Variants in NAV2 observed in about 807,000 individuals in gnomAD.
The protein encoded by NAV2 is helicase, APC down-regulated 1.
NAV2 carries 54 observed loss-of-function variants against 223.2 expected under a neutral mutation model. The ratio of observed to expected loss-of-function variants is 0.24; its 90% CI spans 0.19 to 0.30. NAV2 has a LOEUF of 0.30. Ranked by LOEUF, NAV2 falls within the 10% of genes least tolerant of loss-of-function variation. NAV2 has a pLI of 1.00. For missense variants in NAV2, 2,806 were observed against 3,147.5 expected (o/e 0.89, Z 2.60); for synonymous variants, 1,279 against 1,239.3 (o/e 1.03, Z -0.67).
intron 1 of NAV2, among the ~76,000 whole-genome samples, chr11:19,643,104 T>C (rs10833145): frequency 0.8 from 120,995 of 152,124 alleles, 51,271 homozygotes; most frequent in Non-Finnish European, 0.94. Flanking sequence ...TTTTGAGGTG[T>C]TGATCCTATA....
At chr11:19,562,964 G>A (rs2045150911) in intron 1 of NAV2, among the ~76,000 whole-genome samples, 1 of 152,092 alleles carries the variant, frequency 6.6e-6, no homozygotes, top group Non-Finnish European at 1.5e-5. Flanking sequence ...CATGGAGTAG[G>A]CCCTGCCAAG....
chr11:19,453,211 G>C (rs1444932614), intron 1 of NAV2, among the ~76,000 whole-genome samples: 1 of 152,138 alleles, frequency 6.6e-6, no homozygotes, highest in Non-Finnish European at 1.5e-5. Flanking sequence ...GTGCCCTGTA[G>C]ATCCCCAGTG....
At chr11:20,112,111 G>GGA (rs2062686353) in intron 36 of NAV2, among the ~76,000 whole-genome samples, 1 of 152,156 alleles carries the variant, frequency 6.6e-6, no homozygotes, top group South Asian at 2.1e-4. Context: ...GACCTCAGAG[G>GGA]GAGAAACTTC....
At chr11:19,901,549 T>G (rs1175584092) in intron 6 of NAV2, among the ~76,000 whole-genome samples, 2 of 152,134 alleles carry the variant, frequency 1.3e-5, no homozygotes, top group East Asian at 1.9e-4. Flanking sequence ...AAGAGAACAC[T>G]CCCTTTTAAT....
chr11:19,456,447 A>G (rs2171349), intron 1 of NAV2, among the ~76,000 whole-genome samples: 85,566 of 152,060 alleles, frequency 0.56, 24,237 homozygotes, highest in East Asian at 0.65. Context: ...TGATGGGCCT[A>G]GAGAAAATGT....
intron 1 of NAV2, among the ~76,000 whole-genome samples, chr11:19,789,654 T>A (rs1477934765): frequency 6.6e-6 from 1 of 152,198 alleles, no homozygotes; most frequent in African/African-American, 2.4e-5. Context: ...CAGGTCTTGA[T>A]TAGAGGCAGA....
At position 19,936,836 on chromosome 11, in the gene NAV2, C is replaced by T. The variant is rs1467974216; in HGVS notation, c.2033+2559C>T. ...GTCACAGAACTAGACTAGAGGGGCT[C>T]ATGTTTAAAACCAGGTGTAGGCTGG... On this transcript the variant is annotated intron_variant, in intron 7 of 37. Coordinates refer to ENST00000349880, the MANE Select transcript of NAV2 (RefSeq NM_145117.5). Among the ~76,000 whole-genome samples the T allele has an allele frequency of 2.6e-5, 4 of 152,134 alleles. No homozygotes were observed. In the South Asian group the frequency reaches 6.2e-4, roughly 24 times the overall value.
chr11:20,086,849 G>T (rs1443033262), intron 26 of NAV2, among the ~76,000 whole-genome samples: 1 of 152,136 alleles, frequency 6.6e-6, no homozygotes, highest in African/African-American at 2.4e-5. Flanking sequence ...GGGCAGAGTG[G>T]GGAGTCGGAG....
At chr11:19,908,929 T>C (rs902122691) in intron 6 of NAV2, among the ~76,000 whole-genome samples, 1 of 152,134 alleles carries the variant, frequency 6.6e-6, no homozygotes, top group Admixed American at 6.6e-5. Flanking sequence ...TATTTTAAAA[T>C]TAGATTGTGG....
intron 1 of NAV2, among the ~76,000 whole-genome samples, chr11:19,398,295 C>T (rs552353185): frequency 1.3e-5 from 2 of 152,194 alleles, no homozygotes; most frequent in Admixed American, 6.5e-5. Flanking sequence ...TGTTGGAGAA[C>T]GTACTCACTA....
rs11025310 is a variant in NAV2 at position 19,880,086 on chromosome 11, G to A, written c.729G>A (p.Ala243=). Residue 243 remains alanine, a synonymous_variant, in exon 5 of 38, where the codon GCG becomes GCA. Coordinates refer to ENST00000349880, the MANE Select transcript of NAV2 (RefSeq NM_145117.5). ...CCCCGTGCCAGCCTCACCAGCCAGC[G>A]CCACATCAGCAGTCAAAAGCACAAG... ...PQAPCQPHQP[A]PHQQSKAQAE... is the part of the protein sequence containing the mutation. 0.43 allele frequency: 683,997 copies of A among 1,608,776 alleles called. 150,443 individuals carry two copies. The highest frequency in any genetic ancestry group is 0.45 in the Non-Finnish European group (532,358 of 1,176,528).
In NAV2 at chr11:20,039,008, C is replaced by G. The variant is rs565531404; in HGVS notation, c.2907+2911C>G. 1.3e-3 allele frequency among the ~76,000 whole-genome samples: 195 copies of G among 152,302 alleles called. 2 individuals are homozygous for G. Among genetic ancestry groups the G allele is most frequent in the African/African-American group, 4.5e-3 (186 of 41,568 alleles). ...TTGAGGAGCAACGGAGAATGCCCCC[C>G]ACAGAGCACAGGTGCCCAGCTGTCC... On this transcript the variant is annotated intron_variant, in intron 12 of 37. Transcript: ENST00000349880.
intron 11 of NAV2, among the ~76,000 whole-genome samples, chr11:20,007,331 G>A (rs1043344128): frequency 2.6e-5 from 4 of 152,174 alleles, no homozygotes; most frequent in Non-Finnish European, 4.4e-5. Context: ...TAAGTAAAAT[G>A]GTGGCACTGC....
chr11:20,087,045 A>G (rs1018787949), intron 26 of NAV2, among the ~76,000 whole-genome samples: 9 of 152,180 alleles, frequency 5.9e-5, no homozygotes, highest in Non-Finnish European at 8.8e-5. Flanking sequence ...CAAGAGGGCA[A>G]GAGGACTGAG....
At chr11:20,087,133 G>A (rs2060497323) in intron 26 of NAV2, among the ~76,000 whole-genome samples, 1 of 152,182 alleles carries the variant, frequency 6.6e-6, no homozygotes, top group Non-Finnish European at 1.5e-5. Flanking sequence ...GGAAACCTGG[G>A]AGCAGAGAGG....
rs747938887 is a variant in NAV2, at chr11:20,095,732, G to A, written c.5977G>A (p.Asp1993Asn). ...CIGVSGKTKW[D>N]VLDGVVRRLF... ...TGGAGTTAGTGGCAAGACGAAGTGG[G>A]ATGTGCTCGATGGGGTGGTTAGACG... Residue 1993 changes from aspartate to asparagine, a missense_variant, in exon 30 of 38, where the codon GAT (aspartate) becomes AAT (asparagine). Asp to Asn is a conservative substitution (Grantham distance 23). Coordinates refer to ENST00000349880, the MANE Select transcript of NAV2 (RefSeq NM_145117.5). 69 of 1,613,998 alleles carry A rather than the reference G, an allele frequency of 4.3e-5. No individual in the cohort carries two copies. The highest frequency in any genetic ancestry group is 5.7e-5 in the Non-Finnish European group (67 of 1,179,986).
chr11:19,370,323 G>A (rs990714180), intron 1 of NAV2, among the ~76,000 whole-genome samples: 7 of 152,334 alleles, frequency 4.6e-5, no homozygotes, highest in African/African-American at 1.7e-4. Flanking sequence ...ACATTGAGCC[G>A]GTCTTGGGAG....
chr11:19,644,548 C>T (rs913073425), intron 1 of NAV2, among the ~76,000 whole-genome samples: 6 of 152,230 alleles, frequency 3.9e-5, no homozygotes, highest in Admixed American at 3.9e-4. Context: ...TCCAACCATT[C>T]CTGTGGGTTC....
chr11:20,079,978 G>C (rs4757888), intron 24 of NAV2, 86 bp from the exon 25 acceptor site: 2 of 1,500,766 alleles, frequency 1.3e-6, no homozygotes, highest in Admixed American at 1.9e-5. Flanking sequence ...CCTCAGGTGG[G>C]TGGGTTTTGC....
Sources: gnomAD v4.1 joint callset for allele counts (sites outside exome capture counted in the v4.1 genomes callset) on GRCh38, gnomAD v4.1.1 for gene constraint, MANE v1.5 for transcripts, NCBI Gene and HGNC (gene_info 2026-07-23, HGNC 2026-07-21) for gene names.